Variants in DPP4 observed in about 807,000 individuals in gnomAD.
DPP4 encodes the protein dipeptidyl peptidase 4.
Under a neutral mutation model 122.4 loss-of-function variants are expected in DPP4, and 93 were observed. The observed-to-expected ratio is 0.76, with a 90% confidence interval of 0.64 to 0.90. The LOEUF is 0.90. Among genes scored for constraint, DPP4 ranks in the 40% least tolerant of loss-of-function variants. DPP4 has a pLI of 0.00. For synonymous variants in DPP4, 321 were observed against 302.9 expected (o/e 1.06, Z -0.62); for missense variants, 914 against 907.3 (o/e 1.01, Z -0.09).
intron 4 of DPP4, 132 bp downstream of exon 4, chr2:162,046,783 A>G (rs1559721005): frequency 2.8e-6 from 2 of 716,354 alleles, no homozygotes; most frequent in Non-Finnish European, 5.2e-6. Context: ...CAAGAAGGAG[A>G]GAAAGATCCA....
chr2:162,052,863 C>CAGAT (rs1684429616), intron 2 of DPP4, among the ~76,000 whole-genome samples: 1 of 152,120 alleles, frequency 6.6e-6, no homozygotes, highest in Non-Finnish European at 1.5e-5. Flanking sequence ...GATGAGATCT[C>CAGAT]AGATAGAAAT....
intron 7 of DPP4, 117 bp downstream of exon 7, chr2:162,038,832 A>G: frequency 1.1e-6 from 1 of 893,246 alleles, no homozygotes; most frequent in Non-Finnish European, 1.8e-6. Context: ...CAATAACACT[A>G]TGTTCTATAG....
At chr2:162,019,856 A>C (rs997292108) in intron 14 of DPP4, among the ~76,000 whole-genome samples, 2 of 152,238 alleles carry the variant, frequency 1.3e-5, no homozygotes, top group African/African-American at 4.8e-5. Flanking sequence ...CATTTTGCAA[A>C]GAGTAAGGCC....
intron 8 of DPP4, among the ~76,000 whole-genome samples, chr2:162,037,331 G>T (rs1210714568): frequency 6.6e-6 from 1 of 152,198 alleles, no homozygotes; most frequent in Non-Finnish European, 1.5e-5. Context: ...GCTGGGTTGT[G>T]CTGTCCAAGG....
intron 10 of DPP4, among the ~76,000 whole-genome samples, chr2:162,027,689 C>T (rs1289337521): frequency 6.6e-6 from 1 of 152,084 alleles, no homozygotes; most frequent in Non-Finnish European, 1.5e-5. Context: ...TAGTGGATCA[C>T]CCAGTACTAA....
chr2:162,038,973 T>C lies in DPP4; in HGVS notation c.468A>G (p.Thr156=), dbSNP rs1440077993. The change falls in exon 7 of 26, where the codon ACA becomes ACG. Residue 156 remains threonine, a synonymous_variant. Transcript: ENST00000360534. ...ERIPNNTQWV[T]WSPVGHKLAY... is the part of the protein sequence containing the mutation. Reference sequence around the variant, plus strand: ...CCAATTTATGACCCACTGGTGACCATGTGACCCACTGTGTGTTGTTTGGAA... The same window carrying C: ...CCAATTTATGACCCACTGGTGACCACGTGACCCACTGTGTGTTGTTTGGAA... 5 of 1,613,370 alleles carry C rather than the reference T, an allele frequency of 3.1e-6. No individual in the cohort carries two copies. Among genetic ancestry groups the C allele is most frequent in the Non-Finnish European group, 4.2e-6 (5 of 1,179,520 alleles).
At chr2:162,031,569 C>A (rs536746251) in intron 10 of DPP4, among the ~76,000 whole-genome samples, 3 of 152,160 alleles carry the variant, frequency 2.0e-5, no homozygotes, top group Non-Finnish European at 4.4e-5. Context: ...CTGGGAAGCA[C>A]TGACTTTTCC....
intron 16 of DPP4, 144 bp downstream of exon 16, chr2:162,018,584 GT>G: frequency 9.4e-7 from 1 of 1,065,582 alleles, no homozygotes; most frequent in East Asian, 2.6e-5. Flanking sequence ...AGAAAAGATT[GT>G]TTATGCTCAC....
At chr2:162,064,515 C>T (rs1364949743) in intron 2 of DPP4, among the ~76,000 whole-genome samples, 1 of 152,080 alleles carries the variant, frequency 6.6e-6, no homozygotes, top group Non-Finnish European at 1.5e-5. Context: ...GTCCTACTTT[C>T]CTGGGTTAAC....
chr2:162,045,946 G>T (rs1292323091), intron 4 of DPP4, among the ~76,000 whole-genome samples: 1 of 152,294 alleles, frequency 6.6e-6, no homozygotes, highest in Non-Finnish European at 1.5e-5. Context: ...CTCTTTAAGG[G>T]TCATGTGTAA....
chr2:162,049,143 G>A (rs1432966179), intron 2 of DPP4, among the ~76,000 whole-genome samples: 2 of 152,150 alleles, frequency 1.3e-5, no homozygotes, highest in Non-Finnish European at 1.5e-5. Context: ...ACAATTTGGG[G>A]GACTGGGAAG....
At chr2:162,017,179 TG>T (rs1682957124) in intron 16 of DPP4, 24 bp from the exon 17 acceptor site, 1 of 1,603,594 alleles carries the variant, frequency 6.2e-7, no homozygotes, top group Non-Finnish European at 8.5e-7. Context: ...GGGGGAAAAA[TG>T]TTTTGGATGA....
At chr2:162,019,847 A>G (rs901802492) in intron 14 of DPP4, among the ~76,000 whole-genome samples, 6 of 152,182 alleles carry the variant, frequency 3.9e-5, no homozygotes, top group African/African-American at 1.4e-4. Flanking sequence ...AAAGCTTTCC[A>G]TTTTGCAAAG....
Position 161,995,044 on chromosome 2 carries a change from G to T in DPP4, c.2126-10C>A. On this transcript the variant is annotated splice_polypyrimidine_tract_variant and intron_variant, in intron 24 of 25. Transcript: ENST00000360534. ...TGAAAGTGAACGTTATCTGCAGGGA[G>T]AGAAAGGAAACATAAAGTAGCTAAT... The T allele has an allele frequency of 1.9e-6, 3 of 1,613,960 alleles. No homozygotes were observed. In the South Asian group the frequency reaches 3.3e-5, roughly 18 times the overall value.
At chr2:162,052,223 C>A (rs961476635) in intron 2 of DPP4, among the ~76,000 whole-genome samples, 1 of 147,228 alleles carries the variant, frequency 6.8e-6, no homozygotes, top group Non-Finnish European at 1.5e-5. Context: ...GAGGCTGAGG[C>A]AGGAAAATTG....
chr2:162,047,595 T>G (rs1371654695), intron 2 of DPP4, 94 bp from the exon 3 acceptor site: 1 of 786,566 alleles, frequency 1.3e-6, no homozygotes, highest in African/African-American at 1.7e-5. Context: ...CAATATACCC[T>G]GCTCAAAAAA....
chr2:162,028,676 T>G (rs1171946241), intron 10 of DPP4, among the ~76,000 whole-genome samples: 1 of 152,222 alleles, frequency 6.6e-6, no homozygotes, highest in Non-Finnish European at 1.5e-5. Flanking sequence ...TGGTTGATTT[T>G]AATACTAAAA....
chr2:161,992,367 T>C lies in DPP4; in HGVS notation c.*916A>G, dbSNP rs200006879. The C allele has an allele frequency of 6.6e-6, 1 of 152,482 alleles. No homozygotes were observed. Among genetic ancestry groups the C allele is most frequent in the Non-Finnish European group, 1.5e-5 (1 of 68,024 alleles). The allele number at this position is 152,482 out of a possible 1,614,324, so 9.4% of individuals were successfully genotyped here. On this transcript the variant is annotated 3_prime_UTR_variant, in exon 26 of 26. Coordinates refer to ENST00000360534, the MANE Select transcript of DPP4 (RefSeq NM_001935.4). Reference sequence around the variant, plus strand: ...ATTTTTTAAAATGAGTCCAAGGAAGTTAAAATATTCTTTTAATTAAGACAC... The same window carrying C: ...ATTTTTTAAAATGAGTCCAAGGAAGCTAAAATATTCTTTTAATTAAGACAC...
At position 161,993,180 on chromosome 2, in the gene DPP4, G is replaced by C. The variant is rs544585622; in HGVS notation, c.*103C>G. On this transcript the variant is annotated 3_prime_UTR_variant, in exon 26 of 26. Transcript: ENST00000360534. ...GGTAACCTTAAGTTTCTTGATTTGA[G>C]TGTGTATTTTAAAGATCATCATCAT... is the stretch of plus-strand genomic sequence containing the variant. 2.2e-6 allele frequency: 2 copies of C among 894,356 alleles called. No individual in the cohort carries two copies. The highest frequency in any genetic ancestry group is 3.3e-5 in the African/African-American group (2 of 59,780). The allele number at this position is 894,356 out of a possible 1,614,324, so 55.4% of individuals were successfully genotyped here. A position where few individuals can be genotyped will look rare whatever the true frequency, so the allele number is the denominator to read the frequency against.
Sources: allele counts gnomAD v4.1 joint callset (sites outside exome capture counted in the v4.1 genomes callset), GRCh38; gene constraint gnomAD v4.1.1; transcripts MANE v1.5; gene names NCBI Gene and HGNC (gene_info 2026-07-23, HGNC 2026-07-21).